TBL1Y: variants seen among roughly 807,000 people sequenced by gnomAD.
The protein encoded by TBL1Y is transducin beta like 1 Y-linked.
TBL1Y carries 15 observed loss-of-function variants against 12.0 expected under a neutral mutation model. The ratio of observed to expected loss-of-function variants is 1.25; its 90% confidence interval spans 0.83 to 1.92. TBL1Y has a LOEUF of 1.92. Ranked by LOEUF, TBL1Y falls within the 40% of genes most tolerant of loss-of-function variation. The pLI is 0.00. For synonymous variants in TBL1Y, 53 were observed against 42.6 expected (o/e 1.24, Z -0.95); for missense variants, 148 against 116.7 (o/e 1.27, Z -1.24).
chrY:6,985,245 C>A (rs113726889), intron 3 of TBL1Y, among the ~76,000 whole-genome samples: 1,914 of 33,673 alleles, frequency 0.057, no homozygotes, highest in South Asian at 0.28. Context: ...GCCTGAATTT[C>A]CTCCTTTCTT....
chrY:7,016,921 G>A, intron 4 of TBL1Y, among the ~76,000 whole-genome samples: 1 of 33,973 alleles, frequency 2.9e-5, no homozygotes, highest in Non-Finnish European at 7.3e-5. Flanking sequence ...CCAAGGACTC[G>A]AATGCTCATA....
intron 16 of TBL1Y, among the ~76,000 whole-genome samples, 183 bp from the exon 17 acceptor site, chrY:7,087,083 AT>A (rs2013144030): frequency 5.6e-5 from 1 of 17,704 alleles, no homozygotes; most frequent in African/African-American, 2.2e-4. Flanking sequence ...TATATCTTAT[AT>A]TTTTTATATA....
chrY:6,915,467 T>C, intron 2 of TBL1Y, among the ~76,000 whole-genome samples: 1 of 33,640 alleles, frequency 3.0e-5, no homozygotes, highest in Admixed American at 2.7e-4. Flanking sequence ...GTATTTTTTA[T>C]GGCAATGAAT....
chrY:7,063,975 C>G lies in TBL1Y; in HGVS notation c.283C>G (p.Arg95Gly), dbSNP rs778071943. The stretch of plus-strand genomic sequence containing the variant: ...TGTGATTCCTGATGTGGTGCAGATG[C>G]GGCAGCAGGCATTTGGAGAGAAGCT... Reference protein sequence around the residue: ...VAVIPDVVQMRQQAFGEKLTQ... With the variant: ...VAVIPDVVQMGQQAFGEKLTQ... Residue 95 changes from arginine (R) to glycine (G), a missense_variant, in exon 8 of 19, where the codon CGG becomes GGG. Physicochemically the swap from Arg to Gly is moderately radical, Grantham distance 125. Transcript: ENST00000383032. 2.5e-6 allele frequency: 1 copy of G among 397,993 alleles called. No homozygotes were observed. The highest frequency in any genetic ancestry group is 3.5e-6 in the Non-Finnish European group (1 of 283,303).
chrY:6,957,500 A>C, intron 2 of TBL1Y, among the ~76,000 whole-genome samples: 1 of 34,339 alleles, frequency 2.9e-5, no homozygotes, highest in Admixed American at 2.6e-4. Flanking sequence ...CTTATCAATC[A>C]GTCAGCCCTT....
intron 7 of TBL1Y, among the ~76,000 whole-genome samples, chrY:7,063,384 G>T (rs906903660): frequency 3.0e-5 from 1 of 33,512 alleles, no homozygotes; most frequent in Non-Finnish European, 7.4e-5. Flanking sequence ...GTGTCGTTCC[G>T]CAATTGGCTA....
intron 2 of TBL1Y, among the ~76,000 whole-genome samples, chrY:6,955,594 T>G (rs2012064938): frequency 2.9e-5 from 1 of 34,071 alleles, no homozygotes; most frequent in Non-Finnish European, 7.3e-5. Context: ...AAGTGGCCTG[T>G]TTTCCCTGAA....
intron 6 of TBL1Y, among the ~76,000 whole-genome samples, chrY:7,039,212 C>A (rs2012710174): frequency 3.0e-5 from 1 of 33,598 alleles, no homozygotes; most frequent in Non-Finnish European, 7.4e-5. Context: ...GCTGATGAAT[C>A]AGGCCTAAGA....
intron 2 of TBL1Y, among the ~76,000 whole-genome samples, chrY:6,976,391 T>A (rs2012240865): frequency 5.9e-5 from 2 of 34,082 alleles, no homozygotes; most frequent in African/African-American, 2.3e-4. Flanking sequence ...TTGCAACCTC[T>A]TCTATCATCA....
intron 4 of TBL1Y, among the ~76,000 whole-genome samples, chrY:7,019,552 T>C: frequency 5.9e-5 from 2 of 34,024 alleles, no homozygotes; most frequent in African/African-American, 2.3e-4. Flanking sequence ...TAATAAGAGC[T>C]GTTTGTGTAT....
intron 7 of TBL1Y, 72 bp from the exon 8 acceptor site, chrY:7,063,825 C>G: frequency 2.7e-6 from 1 of 374,774 alleles, no homozygotes; most frequent in South Asian, 3.1e-5. Context: ...CTCTCCTGCC[C>G]AGAGAGTAGA....
intron 4 of TBL1Y, among the ~76,000 whole-genome samples, chrY:7,002,806 T>C (rs2012460744): frequency 3.0e-5 from 1 of 33,874 alleles, no homozygotes; most frequent in Non-Finnish European, 7.3e-5. Context: ...GATATCTTCG[T>C]TTGCAGCTTA....
intron 16 of TBL1Y, among the ~76,000 whole-genome samples, chrY:7,086,807 A>G (rs2013140595): frequency 3.3e-5 from 1 of 30,097 alleles, no homozygotes; most frequent in Non-Finnish European, 7.8e-5. Context: ...CGGAGGCTGC[A>G]GTGAGCCAAG....
chrY:7,080,153 G>T (rs2013087667), intron 13 of TBL1Y, among the ~76,000 whole-genome samples: 2 of 22,078 alleles, frequency 9.1e-5, no homozygotes, highest in African/African-American at 1.9e-4. Context: ...TTGGCTCACT[G>T]CATCTCCATC....
intron 2 of TBL1Y, among the ~76,000 whole-genome samples, chrY:6,959,272 T>C: frequency 3.0e-5 from 1 of 33,674 alleles, no homozygotes; most frequent in Non-Finnish European, 7.4e-5. Context: ...TGGGTCAAAG[T>C]GGCTGGGGCA....
intron 7 of TBL1Y, among the ~76,000 whole-genome samples, chrY:7,060,282 AGG>A (rs2012852649): frequency 3.0e-5 from 1 of 33,259 alleles, no homozygotes; most frequent in African/African-American, 1.2e-4. Flanking sequence ...TTCCACGTTT[AGG>A]AGTCCTATTT....
intron 2 of TBL1Y, among the ~76,000 whole-genome samples, chrY:6,950,276 C>T: frequency 6.0e-5 from 2 of 33,492 alleles, no homozygotes; most frequent in African/African-American, 1.2e-4. Context: ...AACAAACGTT[C>T]TTCTTGAAGA....
intron 2 of TBL1Y, among the ~76,000 whole-genome samples, chrY:6,962,159 G>C: frequency 3.0e-5 from 1 of 33,601 alleles, no homozygotes; most frequent in East Asian, 7.9e-4. Context: ...GCAGGTGTAA[G>C]ACTTGACACT....
chrY:7,064,871 T>C, intron 8 of TBL1Y, among the ~76,000 whole-genome samples: 1 of 33,660 alleles, frequency 3.0e-5, no homozygotes, highest in Admixed American at 2.7e-4. Context: ...ATGAAAGCTC[T>C]CCTAGACTAT....
Sources: allele counts gnomAD v4.1 joint callset (sites outside exome capture counted in the v4.1 genomes callset), GRCh38; gene constraint gnomAD v4.1.1; transcripts MANE v1.5; gene names NCBI Gene and HGNC (gene_info 2026-07-23, HGNC 2026-07-21).